BNC2: variants seen among roughly 807,000 people sequenced by gnomAD.
The protein encoded by BNC2 is zinc finger protein basonuclin-2.
A neutral mutation model predicts 76.3 loss-of-function variants in BNC2; 20 were observed. The ratio of observed to expected loss-of-function variants is 0.26; its 90% confidence interval spans 0.18 to 0.38. The LOEUF (loss-of-function observed/expected upper bound fraction) is 0.38. Ranked by LOEUF, BNC2 falls within the 10% of genes least tolerant of loss-of-function variation. BNC2 has a pLI of 1.00. For synonymous variants in BNC2, 582 were observed against 514.8 expected, an observed-to-expected ratio of 1.13 and a Z score of -1.77; for missense variants, 1,382 against 1,399.8, an observed-to-expected ratio of 0.99 and a Z score of 0.20.
intron 3 of BNC2, among the ~76,000 whole-genome samples, chr9:16,699,022 C>G (rs1308858494): frequency 6.6e-6 from 1 of 152,168 alleles, no homozygotes; most frequent in African/African-American, 2.4e-5. Flanking sequence ...ACTTTAGATT[C>G]TACATTTTAT....
At chr9:16,739,135 T>C (rs1010942246) in intron 1 of BNC2, among the ~76,000 whole-genome samples, 7 of 151,904 alleles carry the variant, frequency 4.6e-5, no homozygotes, top group South Asian at 2.1e-4. Flanking sequence ...AAGATGTACA[T>C]AGAAGAACCA....
chr9:16,628,174 T>C (rs1482909701), intron 3 of BNC2, among the ~76,000 whole-genome samples: 3 of 152,198 alleles, frequency 2.0e-5, no homozygotes, highest in African/African-American at 7.2e-5. Flanking sequence ...TGTGACAGTC[T>C]TGCTTTGGCA....
At chr9:16,767,809 A>C (rs1825737084) in intron 1 of BNC2, among the ~76,000 whole-genome samples, 1 of 152,142 alleles carries the variant, frequency 6.6e-6, no homozygotes, top group Non-Finnish European at 1.5e-5. Flanking sequence ...ACCTCTCCCA[A>C]AATCCCCTTT....
chr9:16,422,278 A>G (rs1820725783), intron 6 of BNC2, among the ~76,000 whole-genome samples: 1 of 152,192 alleles, frequency 6.6e-6, no homozygotes, highest in African/African-American at 2.4e-5. Flanking sequence ...ACTCTGTTCA[A>G]CAGTGTCCCT....
chr9:16,547,956 C>T (rs190584457), intron 5 of BNC2, among the ~76,000 whole-genome samples: 1 of 152,256 alleles, frequency 6.6e-6, no homozygotes, highest in Non-Finnish European at 1.5e-5. Flanking sequence ...TAAAGCTGGA[C>T]CTCTAAAAGA....
At chr9:16,848,127 T>A (rs1819033245) in intron 1 of BNC2, among the ~76,000 whole-genome samples, 1 of 152,238 alleles carries the variant, frequency 6.6e-6, no homozygotes, top group Non-Finnish European at 1.5e-5. Flanking sequence ...TTTCCCTTAG[T>A]ATCTTATCAA....
At chr9:16,584,771 A>G (rs533846898) in intron 3 of BNC2, among the ~76,000 whole-genome samples, 2 of 152,330 alleles carry the variant, frequency 1.3e-5, no homozygotes, top group African/African-American at 4.8e-5. Context: ...GTTTATTTAA[A>G]TAACATGTTC....
intron 3 of BNC2, among the ~76,000 whole-genome samples, chr9:16,587,215 T>TC (rs397760099): frequency 1.3e-5 from 2 of 149,942 alleles, no homozygotes; most frequent in African/African-American, 4.9e-5. Context: ...TTTTTTTTTT[T>TC]CCTTCTGTTT....
chr9:16,677,600 C>CACACACACACACACACACAA (rs1822690447), intron 3 of BNC2, among the ~76,000 whole-genome samples: 1 of 151,778 alleles, frequency 6.6e-6, no homozygotes, highest in African/African-American at 2.4e-5. Flanking sequence ...CACACACACA[C>CACACACACACACACACACAA]ACACACAGTA....
intron 5 of BNC2, among the ~76,000 whole-genome samples, chr9:16,518,600 GT>G (rs200635977): frequency 0.28 from 38,670 of 139,392 alleles, 5,180 homozygotes; most frequent in Non-Finnish European, 0.29. Context: ...TGTTGTTGTT[GT>G]TTGTTTGTTT....
chr9:16,437,186 T>G lies in BNC2; in HGVS notation c.1008A>C (p.Leu336=), dbSNP rs1821035961. Residue 336 remains leucine (L), a synonymous_variant, in exon 6 of 7, where the codon CTA becomes CTC. Coordinates refer to ENST00000380672, the MANE Select transcript of BNC2 (RefSeq NM_017637.6). ...ACAGTAGCCCATTTGGAGGCAACCC[T>G]AGCAGTGGTGCTGAGACAGGGTTTA... ...QYINPVSAPL[L]GLPPNGLLLE... 1.9e-6 allele frequency: 3 copies of G among 1,614,170 alleles called. No homozygotes were observed. The highest frequency in any genetic ancestry group is 1.7e-6 in the Non-Finnish European group (2 of 1,180,010).
At chr9:16,477,887 C>T (rs181446926) in intron 5 of BNC2, among the ~76,000 whole-genome samples, 5 of 152,214 alleles carry the variant, frequency 3.3e-5, no homozygotes, top group African/African-American at 7.2e-5. Flanking sequence ...TAGTCTCCTC[C>T]GGTGGGGGTA....
intron 1 of BNC2, among the ~76,000 whole-genome samples, chr9:16,768,385 T>C (rs1825750478): frequency 1.3e-5 from 2 of 152,104 alleles, no homozygotes; most frequent in South Asian, 2.1e-4. Context: ...ATTCAGAAGA[T>C]GGTGAGAAAA....
rs141764356 is a variant in BNC2, at chr9:16,632,949, G to A, written c.331-49864C>T. ...TACCAGCTGGCAATATTTGGGCCCC[G>A]AAGCATGAGAACTGATCATATTAAA... On this transcript the variant is annotated intron_variant, in intron 3 of 6. Coordinates refer to ENST00000380672, the MANE Select transcript of BNC2 (RefSeq NM_017637.6). Among the ~76,000 whole-genome samples, 670 of 152,226 alleles carry A rather than the reference G, an allele frequency of 4.4e-3. 7 individuals carry two copies. Among genetic ancestry groups the A allele is most frequent in the African/African-American group, 0.015 (627 of 41,520 alleles).
rs1023486779 is a variant in BNC2 at position 16,414,448 on chromosome 9, C to T, written c.*4541G>A. 2.7e-4 allele frequency: 41 copies of T among 152,252 alleles called. No individual in the cohort carries two copies. Among genetic ancestry groups the T allele is most frequent in the African/African-American group, 9.9e-4 (41 of 41,546 alleles). The allele number at this position is 152,252 out of a possible 1,614,324, so 9.4% of individuals were successfully genotyped here. On this transcript the variant is annotated 3_prime_UTR_variant, in exon 7 of 7. Transcript: ENST00000380672. The stretch of plus-strand genomic sequence containing the variant: ...TAAACAATGAGAGGGAAAAGCAAAA[C>T]CACCTAATTTAAATACTTCAAGTTT...
chr9:16,455,722 AT>A (rs1301516360), intron 5 of BNC2, among the ~76,000 whole-genome samples: 2 of 151,548 alleles, frequency 1.3e-5, no homozygotes, highest in Non-Finnish European at 2.9e-5. Context: ...AACCCAGGAG[AT>A]GGAGGTTGTA....
chr9:16,649,845 T>C (rs1466621325), intron 3 of BNC2, among the ~76,000 whole-genome samples: 5 of 152,166 alleles, frequency 3.3e-5, no homozygotes, highest in African/African-American at 1.2e-4. Flanking sequence ...CATGCCAAGA[T>C]CATTCGCTCA....
intron 1 of BNC2, among the ~76,000 whole-genome samples, chr9:16,833,692 C>T (rs1818636071): frequency 6.6e-6 from 1 of 152,122 alleles, no homozygotes; most frequent in African/African-American, 2.4e-5. Flanking sequence ...CAAATGGTGT[C>T]CCTGACTCCA....
intron 1 of BNC2, among the ~76,000 whole-genome samples, chr9:16,785,558 CTT>C (rs34271496): frequency 0.77 from 94,317 of 122,504 alleles, 36,313 homozygotes; most frequent in Non-Finnish European, 0.82. Flanking sequence ...CTACACCCGG[CTT>C]TTTTTTTTTT....
Sources: gnomAD v4.1 joint callset for allele counts (sites outside exome capture counted in the v4.1 genomes callset) on GRCh38, gnomAD v4.1.1 for gene constraint, MANE v1.5 for transcripts, NCBI Gene and HGNC (gene_info 2026-07-23, HGNC 2026-07-21) for gene names.